Variants in ADGRG6 observed in about 807,000 individuals in gnomAD.
ADGRG6 encodes the protein adhesion G protein-coupled receptor G6, also known as G-protein coupled receptor 126.
In ADGRG6, 84 loss-of-function variants were observed where a neutral mutation model predicts 142.4. The ratio of observed to expected loss-of-function variants is 0.59; its 90% CI spans 0.49 to 0.71. The LOEUF (loss-of-function observed/expected upper bound fraction) is 0.71. Ranked by LOEUF, ADGRG6 falls within the 30% of genes least tolerant of loss-of-function variation. ADGRG6 has a pLI of 0.00. For synonymous variants in ADGRG6, 521 were observed against 520.5 expected, an observed-to-expected ratio of 1.00 and a Z score of -0.01; for missense variants, 1,367 against 1,466.6, an observed-to-expected ratio of 0.93 and a Z score of 1.11.
chr6:142,348,627 G>GT, intron 2 of ADGRG6, among the ~76,000 whole-genome samples: 1 of 149,886 alleles, frequency 6.7e-6, no homozygotes. Context: ...TGTGAGGGGT[G>GT]GTTTTTTTTT....
intron 2 of ADGRG6, among the ~76,000 whole-genome samples, chr6:142,320,518 G>A (rs983671047): frequency 2.6e-5 from 4 of 152,160 alleles, no homozygotes; most frequent in Admixed American, 2.6e-4. Context: ...TTGCAACAAT[G>A]TTCCTTTACA....
At chr6:142,412,611 C>G (rs1776141024) in intron 18 of ADGRG6, among the ~76,000 whole-genome samples, 1 of 152,160 alleles carries the variant, frequency 6.6e-6, no homozygotes, top group African/African-American at 2.4e-5. Flanking sequence ...ACCTTTTTAA[C>G]TATCTAAAAT....
At chr6:142,304,427 C>T (rs1777384883) in intron 1 of ADGRG6, among the ~76,000 whole-genome samples, 1 of 152,082 alleles carries the variant, frequency 6.6e-6, no homozygotes, top group Non-Finnish European at 1.5e-5. Flanking sequence ...CATGAAGCTA[C>T]TGTTCCATTT....
Position 142,302,135 on chromosome 6 carries a change from G to C in ADGRG6, c.-195G>C. 1 of 594,304 alleles carries C rather than the reference G, an allele frequency of 1.7e-6. No homozygotes were observed. The highest frequency in any genetic ancestry group is 2.9e-6 in the Non-Finnish European group (1 of 341,170). The allele number at this position is 594,304 out of a possible 1,614,324, so 36.8% of individuals were successfully genotyped here. A position where few individuals can be genotyped will look rare whatever the true frequency, so the allele number is the denominator to read the frequency against. The stretch of plus-strand genomic sequence containing the variant: ...CTCGTCCGCAGGCCCTGCGCTGAAC[G>C]CTGCCGCGCCCAGGGTTCACCTTGC... On this transcript the variant is annotated 5_prime_UTR_variant, in exon 1 of 25. Transcript: ENST00000367609.
chr6:142,354,951 A>C (rs184718753), intron 2 of ADGRG6, among the ~76,000 whole-genome samples: 1 of 152,210 alleles, frequency 6.6e-6, no homozygotes, highest in Non-Finnish European at 1.5e-5. Flanking sequence ...GAAGACAATC[A>C]TTTTGATTTC....
In ADGRG6 at chr6:142,367,582, C is replaced by A; in HGVS notation, c.117C>A (p.Ala39=). The change falls in exon 3 of 25, where the codon GCC becomes GCA. Residue 39 remains alanine, a synonymous_variant. Coordinates refer to ENST00000367609, the MANE Select transcript of ADGRG6 (RefSeq NM_198569.3). ...MCVPHSVWGC[A]NCRVVLSNPS... ...TCTGGCCAGCAGTGTGGGGATGTGC[C>A]AACTGCCGAGTGGTTTTGTCCAACC... is the stretch of plus-strand genomic sequence containing the variant. The A allele has an allele frequency of 6.2e-7, 1 of 1,613,120 alleles. No individual in the cohort carries two copies. Among genetic ancestry groups the A allele is most frequent in the South Asian group, 1.1e-5 (1 of 91,012 alleles).
Position 142,414,975 on chromosome 6 carries a change from C to G in ADGRG6, c.2548C>G (p.Pro850Ala), listed in dbSNP as rs1424044476. ...CTCGCCATGTTTTATGTAGGACCTTCCAAGAAGTGCCTCACAGTTAGATGC... is the reference window on the plus strand; with the variant it reads ...CTCGCCATGTTTTATGTAGGACCTTGCAAGAAGTGCCTCACAGTTAGATGC... ...FTHFGVLMDL[P>A]RSASQLDARN... is the part of the protein sequence containing the mutation. Residue 850 changes from proline to alanine, a missense_variant, in exon 19 of 25, where the codon CCA (proline) becomes GCA (alanine). By Grantham distance (27) the Pro-to-Ala change is conservative. Transcript: ENST00000367609. 6.2e-7 allele frequency: 1 copy of G among 1,610,722 alleles called. No homozygotes were observed. Among genetic ancestry groups the G allele is most frequent in the East Asian group, 2.2e-5 (1 of 44,682 alleles).
intron 22 of ADGRG6, among the ~76,000 whole-genome samples, chr6:142,431,000 AC>A (rs1393616662): frequency 6.6e-6 from 1 of 151,976 alleles, no homozygotes; most frequent in Non-Finnish European, 1.5e-5. Flanking sequence ...TACTTGCAAC[AC>A]CCTTTCTCCA....
intron 2 of ADGRG6, among the ~76,000 whole-genome samples, chr6:142,336,010 G>A (rs528815143): frequency 6.6e-6 from 1 of 152,058 alleles, no homozygotes; most frequent in Non-Finnish European, 1.5e-5. Context: ...TTGTAAATGT[G>A]AAAGAACAAA....
chr6:142,302,181 ACTCTCC>A lies in ADGRG6; in HGVS notation c.-148_-143del. 2.5e-6 allele frequency: 2 copies of A among 799,240 alleles called. No homozygotes were observed. Among genetic ancestry groups the A allele is most frequent in the South Asian group, 1.9e-5 (1 of 51,850 alleles). The allele number at this position is 799,240 out of a possible 1,614,324, so 49.5% of individuals were successfully genotyped here. ...CTTGCGCCGTCGGGAAAGCCCATGA[ACTCTCC>A]AGAAACGGCGTAAAGGAGGGTCCCG... On this transcript the variant is annotated 5_prime_UTR_variant, in exon 1 of 25. Coordinates refer to ENST00000367609, the MANE Select transcript of ADGRG6 (RefSeq NM_198569.3).
In ADGRG6 at chr6:142,400,508, C is replaced by T. The variant is rs1209311504; in HGVS notation, c.1591C>T (p.Pro531Ser). 8 of 1,583,682 alleles carry T rather than the reference C, an allele frequency of 5.1e-6. No individual in the cohort carries two copies. Among genetic ancestry groups the T allele is most frequent in the Non-Finnish European group, 6.1e-6 (7 of 1,153,104 alleles). The part of the protein sequence containing the change: ...QLGHCLAMEE[P>S]KGYYWPSIQP... ...AGGTCATTGTCTTGCCATGGAGGAA[C>T]CCAAAGGCTACTACTGGCCATCTAT... The change falls in exon 11 of 25, where the codon CCC (proline) becomes TCC (serine). Residue 531 changes from proline (P) to serine (S), a missense_variant. By Grantham distance (74) the Pro-to-Ser change is moderately conservative. This residue lies in a region of ADGRG6 where 737 missense variants were observed against 746.5 expected (regional missense o/e 0.99). Coordinates refer to ENST00000367609, the MANE Select transcript of ADGRG6 (RefSeq NM_198569.3).
intron 2 of ADGRG6, among the ~76,000 whole-genome samples, chr6:142,314,819 A>T (rs1050806546): frequency 6.6e-6 from 1 of 152,188 alleles, no homozygotes; most frequent in Non-Finnish European, 1.5e-5. Flanking sequence ...GTAAGAACCA[A>T]ATGACTCTCT....
chr6:142,392,937 G>C lies in ADGRG6; in HGVS notation c.1309-11G>C. 6.3e-7 allele frequency: 1 copy of C among 1,585,322 alleles called. No homozygotes were observed. Among genetic ancestry groups the C allele is most frequent in the Non-Finnish European group, 8.7e-7 (1 of 1,154,958 alleles). ...TTAGCAAAACTCAGCCTTTTCCATT[G>C]TGTTTTCCAGCTCAATTCAACCTTC... On this transcript the variant is annotated splice_polypyrimidine_tract_variant and intron_variant, in intron 7 of 24. Coordinates refer to ENST00000367609, the MANE Select transcript of ADGRG6 (RefSeq NM_198569.3).
rs1220414915 is a variant in ADGRG6, at chr6:142,416,152, T to A, written c.2938+88T>A. On this transcript the variant is annotated intron_variant, in intron 20 of 24. Coordinates refer to ENST00000367609, the MANE Select transcript of ADGRG6 (RefSeq NM_198569.3). ...GGAAAAAATCTTATTTAAAAAAAAA[T>A]AGTACCATTAAGAGGAACCTCAAAA... 6 of 946,128 alleles carry A rather than the reference T, an allele frequency of 6.3e-6. No homozygotes were observed. In the East Asian group the frequency reaches 7.7e-5, roughly 12 times the overall value. The allele number at this position is 946,128 out of a possible 1,614,324, so 58.6% of individuals were successfully genotyped here.
intron 3 of ADGRG6, 65 bp downstream of exon 3, chr6:142,367,975 G>C: frequency 1.2e-6 from 1 of 861,344 alleles, no homozygotes; most frequent in South Asian, 1.6e-5. Context: ...GTAAACACAA[G>C]GACCAGAAGA....
intron 24 of ADGRG6, chr6:142,440,819 G>C: frequency 1.5e-6 from 1 of 681,028 alleles, no homozygotes; most frequent in Admixed American, 3.1e-5. Context: ...ATCACTCAAG[G>C]TATGCAAAAC....
intron 22 of ADGRG6, among the ~76,000 whole-genome samples, chr6:142,425,718 C>A (rs1297438828): frequency 1.3e-5 from 2 of 152,094 alleles, no homozygotes; most frequent in Non-Finnish European, 2.9e-5. Context: ...TTCATTTTCA[C>A]ACTGCTGATA....
At chr6:142,362,553 A>G (rs755485008) in intron 2 of ADGRG6, among the ~76,000 whole-genome samples, 10 of 152,086 alleles carry the variant, frequency 6.6e-5, no homozygotes, top group Admixed American at 6.6e-5. Context: ...GGTGGTGGGG[A>G]TGCTTGCCAA....
chr6:142,322,558 T>G (rs1778569599), intron 2 of ADGRG6, among the ~76,000 whole-genome samples: 2 of 152,130 alleles, frequency 1.3e-5, no homozygotes, highest in Admixed American at 6.6e-5. Context: ...AAGGCTCTTT[T>G]CCTTGAGAGC....
Sources: gnomAD v4.1 joint callset for allele counts (sites outside exome capture counted in the v4.1 genomes callset) on GRCh38, gnomAD v4.1.1 for gene constraint, gnomAD v4.1.1 regional missense constraint, MANE v1.5 for transcripts, NCBI Gene and HGNC (gene_info 2026-07-23, HGNC 2026-07-21) for gene names.